TSPAN11: variants seen among roughly 807,000 people sequenced by gnomAD.
TSPAN11 encodes tetraspanin 11, also known as tetraspanin-11.
A neutral mutation model predicts 32.9 loss-of-function variants in TSPAN11; 29 were observed. That is an observed-to-expected ratio of 0.88 (90% CI 0.66 to 1.20). The LOEUF (loss-of-function observed/expected upper bound fraction) is 1.20, where lower values mean the gene tolerates loss of function less well. Ranked by LOEUF, TSPAN11 falls within the 50% of genes most tolerant of loss-of-function variation. The probability of loss-of-function intolerance (pLI) is 0.00; values close to 1 mark genes in which losing one functional copy is unlikely to be tolerated. For synonymous variants in TSPAN11, 140 were observed against 141.3 expected (o/e 0.99, Z 0.07); for missense variants, 283 against 329.1 (o/e 0.86, Z 1.08).
intron 2 of TSPAN11, among the ~76,000 whole-genome samples, chr12:30,959,437 G>A (rs1341691910): frequency 1.3e-5 from 2 of 152,170 alleles, no homozygotes; most frequent in Non-Finnish European, 2.9e-5. Flanking sequence ...GGCCCACAGA[G>A]GCTGTGTTGC....
At chr12:30,963,781 C>G (rs767990676) in intron 2 of TSPAN11, 45 bp from the exon 3 acceptor site, 2 of 1,579,858 alleles carry the variant, frequency 1.3e-6, no homozygotes, top group East Asian at 2.2e-5. Flanking sequence ...TAGCAGCTGC[C>G]GAGGCCCCCG....
At position 30,983,092 on chromosome 12, in the gene TSPAN11, TCCTGGCCGA is replaced by T; in HGVS notation, c.647_655del (p.Leu216_Asp218del). On this transcript the variant is annotated inframe_deletion, in exon 7 of 8. Coordinates refer to ENST00000546076, the MANE Select transcript of TSPAN11 (RefSeq NM_001370302.1). ...GGCTGCCTCACCAAGCTGGAGCAGTTCCTGGCCGACCACCTGCTGCTTATGGGGGCAGTG... is the reference window on the plus strand; with the variant it reads ...GGCTGCCTCACCAAGCTGGAGCAGTTCCACCTGCTGCTTATGGGGGCAGTG... 1 of 1,613,304 alleles carries T rather than the reference TCCTGGCCGA, an allele frequency of 6.2e-7. No individual in the cohort carries two copies. Among genetic ancestry groups the T allele is most frequent in the Non-Finnish European group, 8.5e-7 (1 of 1,179,994 alleles).
chr12:30,930,712 G>A (rs762841045), intron 1 of TSPAN11, among the ~76,000 whole-genome samples: 17 of 152,216 alleles, frequency 1.1e-4, no homozygotes, highest in Non-Finnish European at 2.2e-4. Flanking sequence ...GGCAAGGAGG[G>A]GGCTTGAAGA....
Position 30,996,516 on chromosome 12 carries a change from C to A in TSPAN11, c.*4601C>A, listed in dbSNP as rs1413676817. The A allele has an allele frequency of 6.6e-6, 1 of 152,042 alleles. No individual in the cohort carries two copies. Among genetic ancestry groups the A allele is most frequent in the Non-Finnish European group, 1.5e-5 (1 of 67,998 alleles). 9.4% of individuals were successfully genotyped at this position (152,042 alleles called of 1,614,324 possible). A position where few individuals can be genotyped will look rare whatever the true frequency, so the allele number is the denominator to read the frequency against. On this transcript the variant is annotated 3_prime_UTR_variant, in exon 8 of 8. Coordinates refer to ENST00000546076, the MANE Select transcript of TSPAN11 (RefSeq NM_001370302.1). ...GAAATTGTTCTCATTGTAAACATACCCCTGTCCTTAGCTGATCTAGGTGGA... is the reference window on the plus strand; with the variant it reads ...GAAATTGTTCTCATTGTAAACATACACCTGTCCTTAGCTGATCTAGGTGGA...
At chr12:30,950,230 G>T (rs1938355054) in intron 1 of TSPAN11, among the ~76,000 whole-genome samples, 1 of 152,070 alleles carries the variant, frequency 6.6e-6, no homozygotes, top group Non-Finnish European at 1.5e-5. Flanking sequence ...ATACCCTTCA[G>T]CTCTCACTCC....
chr12:30,959,809 G>C (rs1004190793), intron 2 of TSPAN11, among the ~76,000 whole-genome samples: 7 of 151,206 alleles, frequency 4.6e-5, no homozygotes, highest in East Asian at 1.9e-4. Flanking sequence ...ACCGAGGTGT[G>C]GGGGGAAGAA....
downstream of TSPAN11, among the ~76,000 whole-genome samples, chr12:30,997,719 G>A (rs1939436257): frequency 6.6e-6 from 1 of 152,166 alleles, no homozygotes; most frequent in Admixed American, 6.5e-5. Context: ...AGGCAGTGAG[G>A]AGCCTGAAGA....
At position 30,971,882 on chromosome 12, in the gene TSPAN11, C is replaced by T. The variant is rs570466101; in HGVS notation, c.277-6679C>T. The stretch of plus-strand genomic sequence containing the variant: ...TTGGTTTGGTTCAGAGAGTACTATG[C>T]TGTTCTAGCTTCACTTTGGATCTAT... On this transcript the variant is annotated intron_variant, in intron 3 of 7. Transcript: ENST00000546076. Among the ~76,000 whole-genome samples the T allele has an allele frequency of 1.2e-4, 18 of 151,808 alleles. No homozygotes were observed. The South Asian group carries it at 3.7e-3, about 32-fold the overall frequency.
intron 7 of TSPAN11, among the ~76,000 whole-genome samples, chr12:30,991,201 C>T (rs1347369893): frequency 6.6e-6 from 1 of 152,166 alleles, no homozygotes; most frequent in African/African-American, 2.4e-5. Context: ...CTTGGTGCTG[C>T]ATTCTACACT....
intron 1 of TSPAN11, among the ~76,000 whole-genome samples, chr12:30,946,026 C>G (rs771695734): frequency 4.6e-5 from 7 of 152,202 alleles, no homozygotes; most frequent in Non-Finnish European, 8.8e-5. Context: ...GCCTTGTGCT[C>G]CGCCCCGCTC....
chr12:30,988,609 A>C (rs991847931), intron 7 of TSPAN11: 3 of 152,256 alleles, frequency 2.0e-5, no homozygotes, highest in Non-Finnish European at 2.9e-5. Flanking sequence ...ACAAAAAAAA[A>C]ACCACACACA....
chr12:30,998,158 C>T (rs7134817), downstream of TSPAN11, among the ~76,000 whole-genome samples: 37,987 of 152,210 alleles, frequency 0.25, 5,049 homozygotes, highest in East Asian at 0.47. Flanking sequence ...CAGGTGCCCT[C>T]CAGGCCCTTT....
At chr12:31,001,467 C>T (rs75824206), downstream of TSPAN11, among the ~76,000 whole-genome samples, 143 of 152,348 alleles carry the variant, frequency 9.4e-4, 2 homozygotes, top group East Asian at 0.026. Flanking sequence ...GTTCACTCTT[C>T]TGGGGCCCCT....
At chr12:30,978,383 A>G in intron 3 of TSPAN11, 178 bp from the exon 4 acceptor site, 1 of 632,666 alleles carries the variant, frequency 1.6e-6, no homozygotes, top group Non-Finnish European at 2.8e-6. Flanking sequence ...CCAAAGAGGG[A>G]AGGAGTAAGT....
the TSPAN11 span, among the ~76,000 whole-genome samples, chr12:31,008,829 ACTGGGTTCCC>A: frequency 1.3e-5 from 2 of 152,120 alleles, no homozygotes; most frequent in African/African-American, 4.8e-5. Context: ...CTAAAGCAAG[ACTGGGTTCCC>A]ACCCATTTCC....
intron 3 of TSPAN11, among the ~76,000 whole-genome samples, chr12:30,976,010 C>T (rs945729469): frequency 6.6e-6 from 1 of 152,148 alleles, no homozygotes; most frequent in Non-Finnish European, 1.5e-5. Flanking sequence ...AAAGGAGCCG[C>T]AGGGCCCAGC....
At chr12:30,990,402 A>G (rs1939288625) in intron 7 of TSPAN11, among the ~76,000 whole-genome samples, 1 of 152,198 alleles carries the variant, frequency 6.6e-6, no homozygotes, top group Admixed American at 6.5e-5. Context: ...TAGCACAGAT[A>G]AGATCCAGAA....
intron 1 of TSPAN11, among the ~76,000 whole-genome samples, chr12:30,941,002 C>G (rs1378240881): frequency 6.6e-6 from 1 of 152,180 alleles, no homozygotes; most frequent in Non-Finnish European, 1.5e-5. Flanking sequence ...ACCATCCTCC[C>G]CCTACCTCCA....
At chr12:31,004,439 G>GT in the TSPAN11 span, among the ~76,000 whole-genome samples, 1 of 152,126 alleles carries the variant, frequency 6.6e-6, no homozygotes, top group South Asian at 2.1e-4. Context: ...TGAACCCTGG[G>GT]AAGGAGATAG....
Sources: allele counts gnomAD v4.1 joint callset (sites outside exome capture counted in the v4.1 genomes callset), GRCh38; gene constraint gnomAD v4.1.1; transcripts MANE v1.5; gene names NCBI Gene and HGNC (gene_info 2026-07-23, HGNC 2026-07-21).